Variants in SNX27 observed in about 807,000 individuals in gnomAD.
SNX27 encodes the protein sorting nexin 27.
A neutral mutation model predicts 71.6 loss-of-function variants in SNX27; 22 were observed. That is an observed-to-expected ratio of 0.31 (90% confidence interval 0.22 to 0.44). The LOEUF (loss-of-function observed/expected upper bound fraction) is 0.44, where lower values mean the gene tolerates loss of function less well. SNX27 is among the 20% of genes least tolerant of loss of function. The pLI, the probability that SNX27 is intolerant of heterozygous loss-of-function variation, is 1.00. For synonymous variants in SNX27, 269 were observed against 277.2 expected, an observed-to-expected ratio of 0.97 and a Z score of 0.29; for missense variants, 531 against 698.6, an observed-to-expected ratio of 0.76 and a Z score of 2.70.
intron 7 of SNX27, among the ~76,000 whole-genome samples, chr1:151,675,467 C>G (rs1269558593): frequency 6.6e-6 from 1 of 151,586 alleles, no homozygotes. Context: ...CTTTTTCATA[C>G]AGTTTTTTAT....
At chr1:151,671,238 T>C (rs1670441396) in intron 7 of SNX27, among the ~76,000 whole-genome samples, 4 of 116,478 alleles carry the variant, frequency 3.4e-5, no homozygotes, top group Admixed American at 3.3e-4. Context: ...GTTTTGTTCT[T>C]TTTTTTTTTT....
At chr1:151,631,031 C>CA (rs903260068) in intron 1 of SNX27, among the ~76,000 whole-genome samples, 4 of 151,378 alleles carry the variant, frequency 2.6e-5, no homozygotes, top group Non-Finnish European at 4.4e-5. Context: ...GACTCCGTCT[C>CA]AAAAAAAAGA....
Position 151,696,965 on chromosome 1 carries a change from C to G in SNX27, c.*2548C>G, listed in dbSNP as rs984870936. ...GCGCCTGGCCCACTTTTCTTTCTTT[C>G]CTTCTTATTTTGTTATGCTGGCAGC... On this transcript the variant is annotated 3_prime_UTR_variant, in exon 12 of 12. Coordinates refer to ENST00000458013, the MANE Select transcript of SNX27 (RefSeq NM_001330723.2). 6.6e-5 allele frequency: 10 copies of G among 152,094 alleles called. No individual in the cohort carries two copies. The highest frequency in any genetic ancestry group is 2.4e-4 in the African/African-American group (10 of 41,398). 9.4% of individuals were successfully genotyped at this position (152,094 alleles called of 1,614,324 possible).
rs1318856310 is a variant in SNX27, at chr1:151,612,862, G to A, written c.311+350G>A. The stretch of plus-strand genomic sequence containing the variant: ...TCACTCCCCCTCGTCTTGCTCAGAA[G>A]GAACCTCATCTGCTCCTTACTGACG... On this transcript the variant is annotated intron_variant, in intron 1 of 11. Transcript: ENST00000458013. This position sits in a 1 kb window ranked among gnomAD's most constrained non-coding sequence, Gnocchi z 5.2. Among the ~76,000 whole-genome samples the A allele has an allele frequency of 6.6e-6, 1 of 152,052 alleles. No individual in the cohort carries two copies. The highest frequency in any genetic ancestry group is 2.4e-5 in the African/African-American group (1 of 41,394).
chr1:151,637,086 T>G (rs902792018), intron 1 of SNX27, among the ~76,000 whole-genome samples: 2 of 151,886 alleles, frequency 1.3e-5, no homozygotes, highest in African/African-American at 4.8e-5. Context: ...TTTAAACTCC[T>G]GTAAGTAGCT....
At chr1:151,641,627 A>ATATATATATATATATATATATATATATG in intron 2 of SNX27, among the ~76,000 whole-genome samples, 1 of 120,962 alleles carries the variant, frequency 8.3e-6, no homozygotes, top group South Asian at 2.7e-4. Flanking sequence ...ATATATATAT[A>ATATATATATATATATATATATATATATG]TATCATATGT....
chr1:151,677,734 G>A (rs371691051), intron 7 of SNX27: 2 of 151,886 alleles, frequency 1.3e-5, no homozygotes, highest in East Asian at 1.9e-4. Context: ...CAAAATTTAA[G>A]TGAGGGCAGA....
At chr1:151,675,759 G>GTCTT (rs1340856050) in intron 7 of SNX27, 4 of 114,432 alleles carry the variant, frequency 3.5e-5, no homozygotes, top group East Asian at 2.4e-4. Flanking sequence ...TTTGGTGTCT[G>GTCTT]TCTTTCTTTC....
At chr1:151,675,262 A>G (rs983543933) in intron 7 of SNX27, among the ~76,000 whole-genome samples, 3 of 151,834 alleles carry the variant, frequency 2.0e-5, no homozygotes, top group Non-Finnish European at 2.9e-5. Context: ...CTTTACTGAA[A>G]TTTTAATGGG....
At chr1:151,625,899 G>C (rs1667907434) in intron 1 of SNX27, among the ~76,000 whole-genome samples, 1 of 151,886 alleles carries the variant, frequency 6.6e-6, no homozygotes, top group African/African-American at 2.4e-5. Context: ...AGTGAGCCGA[G>C]ATCAGGCCAC....
chr1:151,679,872 T>C (rs1460908204), intron 7 of SNX27: 1 of 152,086 alleles, frequency 6.6e-6, no homozygotes, highest in Non-Finnish European at 1.5e-5. Context: ...GTCAACAGTG[T>C]CTAAAATTGG....
intron 1 of SNX27, among the ~76,000 whole-genome samples, chr1:151,619,795 A>G (rs1176402188): frequency 6.6e-6 from 1 of 152,180 alleles, no homozygotes; most frequent in Non-Finnish European, 1.5e-5. Context: ...TGGTTCCACA[A>G]GTAAGCACAC....
At chr1:151,672,275 C>T (rs982854145) in intron 7 of SNX27, among the ~76,000 whole-genome samples, 7 of 152,040 alleles carry the variant, frequency 4.6e-5, no homozygotes, top group African/African-American at 1.7e-4. Context: ...TTGTCCTTTA[C>T]TCTGTTGATA....
At position 151,612,105 on chromosome 1, in the gene SNX27, C is replaced by T. The variant is rs534593618; in HGVS notation, c.-97C>T. 2.4e-6 allele frequency: 3 copies of T among 1,225,950 alleles called. No individual in the cohort carries two copies. The South Asian group carries it at 8.1e-5, about 33-fold the overall frequency. 75.9% of individuals were successfully genotyped at this position (1,225,950 alleles called of 1,614,324 possible). A position where few individuals can be genotyped will look rare whatever the true frequency, so the allele number is the denominator to read the frequency against. On this transcript the variant is annotated 5_prime_UTR_variant, in exon 1 of 12. Coordinates refer to ENST00000458013, the MANE Select transcript of SNX27 (RefSeq NM_001330723.2). This position sits in a 1 kb window ranked among gnomAD's most constrained non-coding sequence, Gnocchi z 5.2. ...GGTCCCGCGGCCGGCGGATCGGGCGCGCGCGTCGGGGGTCGTCCGGCTGCC... is the reference window on the plus strand; with the variant it reads ...GGTCCCGCGGCCGGCGGATCGGGCGTGCGCGTCGGGGGTCGTCCGGCTGCC...
In SNX27 at chr1:151,661,864, A is replaced by G. The variant is rs568381313; in HGVS notation, c.802-302A>G. Among the ~76,000 whole-genome samples the G allele has an allele frequency of 3.9e-5, 6 of 152,294 alleles. No homozygotes were observed. In the South Asian group the frequency reaches 1.2e-3, roughly 32 times the overall value. The stretch of plus-strand genomic sequence containing the variant: ...TCACTTGTGAATTCTGAATGGGGAA[A>G]GGGAAGCGAATCAAAAATCTCATCT... On this transcript the variant is annotated intron_variant, in intron 4 of 11. Coordinates refer to ENST00000458013, the MANE Select transcript of SNX27 (RefSeq NM_001330723.2).
chr1:151,622,080 G>A (rs1667700834), intron 1 of SNX27, among the ~76,000 whole-genome samples: 1 of 152,158 alleles, frequency 6.6e-6, no homozygotes, highest in East Asian at 1.9e-4. Flanking sequence ...CTTTCAATAT[G>A]TTGGAATGGA....
chr1:151,680,100 A>G (rs1670870345), intron 7 of SNX27: 1 of 151,890 alleles, frequency 6.6e-6, no homozygotes, highest in African/African-American at 2.4e-5. Flanking sequence ...AAGAAAAGGA[A>G]ACTAGGGTGG....
chr1:151,694,503 AAAG>A lies in SNX27; in HGVS notation c.*91_*93del, dbSNP rs1234804929. Reference sequence around the variant, plus strand: ...TTCAGACAGAGTAACCATTAACAAAAAAGAAGAGAAAAAGTTAAAGTCGTTATA... The same window carrying A: ...TTCAGACAGAGTAACCATTAACAAAAAAGAGAAAAAGTTAAAGTCGTTATA... On this transcript the variant is annotated 3_prime_UTR_variant, in exon 12 of 12. Transcript: ENST00000458013. 5.2e-6 allele frequency: 7 copies of A among 1,347,418 alleles called. No individual in the cohort carries two copies. The Admixed American group carries it at 8.3e-5, about 16-fold the overall frequency. 83.5% of individuals were successfully genotyped at this position (1,347,418 alleles called of 1,614,324 possible).
rs776920317 is a variant in SNX27, at chr1:151,612,339, C to T, written c.138C>T (p.Ile46=). The T allele has an allele frequency of 3.4e-5, 52 of 1,542,260 alleles. No homozygotes were observed. The highest frequency in any genetic ancestry group is 4.4e-5 in the Non-Finnish European group (51 of 1,149,486). ...GGGGGPRVVR[I]VKSESGYGFN... ...GCGGCGGCCCGCGGGTCGTGCGCATCGTCAAGTCCGAGTCCGGCTACGGCT... is the reference window on the plus strand; with the variant it reads ...GCGGCGGCCCGCGGGTCGTGCGCATTGTCAAGTCCGAGTCCGGCTACGGCT... Residue 46 remains isoleucine, a synonymous_variant, in exon 1 of 12, where the codon ATC becomes ATT. Transcript: ENST00000458013. This position sits in a 1 kb window ranked among gnomAD's most constrained non-coding sequence, Gnocchi z 5.2.
Sources: gnomAD v4.1 joint callset for allele counts (sites outside exome capture counted in the v4.1 genomes callset) on GRCh38, gnomAD v4.1.1 for gene constraint, Gnocchi (gnomAD v3.1) non-coding constraint, MANE v1.5 for transcripts, NCBI Gene and HGNC (gene_info 2026-07-23, HGNC 2026-07-21) for gene names.